IPO11: variants seen among roughly 807,000 people sequenced by gnomAD.
IPO11 encodes importin 11.
A neutral mutation model predicts 143.2 loss-of-function variants in IPO11; 66 were observed. The ratio of observed to expected loss-of-function variants is 0.46; its 90% CI spans 0.38 to 0.57. The LOEUF (loss-of-function observed/expected upper bound fraction) is 0.57. Among genes scored for constraint, IPO11 ranks in the 20% least tolerant of loss-of-function variants. IPO11 has a pLI of 0.00. For missense variants in IPO11, 1,026 were observed against 1,141.0 expected (o/e 0.90, Z 1.45); for synonymous variants, 385 against 377.8 (o/e 1.02, Z -0.22).
At chr5:62,421,322 G>A (rs1452191933) in intron 1 of IPO11, among the ~76,000 whole-genome samples, 1 of 152,178 alleles carries the variant, frequency 6.6e-6, no homozygotes, top group Non-Finnish European at 1.5e-5. Context: ...TTAACCTTGT[G>A]TAGGGTATCT....
At chr5:62,459,613 C>T (rs2112177607) in intron 5 of IPO11, among the ~76,000 whole-genome samples, 1 of 151,804 alleles carries the variant, frequency 6.6e-6, no homozygotes, top group South Asian at 2.1e-4. Context: ...TGCAGTGGTG[C>T]AATCTTGGTT....
At chr5:62,581,168 G>A in intron 27 of IPO11, 2 of 1,551,150 alleles carry the variant, frequency 1.3e-6, no homozygotes, top group East Asian at 4.9e-5. Context: ...CAGTCAGCAA[G>A]GTATAATGTA....
Position 62,572,092 on chromosome 5 carries a change from C to A in IPO11, c.2582+10835C>A, listed in dbSNP as rs114385208. 2.8e-3 allele frequency among the ~76,000 whole-genome samples: 430 copies of A among 152,332 alleles called. 1 individual carries two copies. The highest frequency in any genetic ancestry group is 0.01 in the African/African-American group (419 of 41,576). ...GTCCAGTCTATCTTACTCTTAATGT[C>A]TTCTCTGCCAGGCTATTGAGTACCT... On this transcript the variant is annotated intron_variant, in intron 27 of 29. Coordinates refer to ENST00000325324, the MANE Select transcript of IPO11 (RefSeq NM_016338.5).
At chr5:62,580,673 C>A (rs1323777970) in intron 27 of IPO11, 5 of 1,551,448 alleles carry the variant, frequency 3.2e-6, no homozygotes, top group Non-Finnish European at 4.4e-6. Context: ...ATAAATGTAT[C>A]CAGAGCTTGG....
At position 62,457,604 on chromosome 5, in the gene IPO11, A is replaced by G. The variant is rs80268405; in HGVS notation, c.516+5671A>G. On this transcript the variant is annotated intron_variant, in intron 5 of 29. Transcript: ENST00000325324. ...CAGAAGGTCATCGTGATGAATTACT[A>G]TATTTTCTACACAAAGGAGAACTGC... is the stretch of plus-strand genomic sequence containing the variant. 7.3e-3 allele frequency among the ~76,000 whole-genome samples: 1,109 copies of G among 152,312 alleles called. 14 individuals carry two copies. The highest frequency in any genetic ancestry group is 0.025 in the African/African-American group (1,040 of 41,572).
intron 24 of IPO11, among the ~76,000 whole-genome samples, chr5:62,542,759 A>G (rs1743008000): frequency 6.6e-6 from 1 of 152,174 alleles, no homozygotes; most frequent in Non-Finnish European, 1.5e-5. Flanking sequence ...AAAATACTCT[A>G]AATTGTTAAC....
At chr5:62,461,754 G>C (rs1051859524) in intron 5 of IPO11, among the ~76,000 whole-genome samples, 1 of 152,040 alleles carries the variant, frequency 6.6e-6, no homozygotes, top group Non-Finnish European at 1.5e-5. Context: ...TGTGCTTTTC[G>C]TATCTGTAGT....
intron 19 of IPO11, among the ~76,000 whole-genome samples, chr5:62,514,268 C>T (rs1179924129): frequency 5.9e-5 from 9 of 152,058 alleles, no homozygotes; most frequent in African/African-American, 2.2e-4. Context: ...CATAGCGAGC[C>T]GAGATCATGC....
In IPO11 at chr5:62,530,264, C is replaced by T. The variant is rs562275162; in HGVS notation, c.2013-445C>T. ...TCTTTCTATCAACAGGGGATTGGTT[C>T]CAGGGCTACCACATATACCAAAATT... On this transcript the variant is annotated intron_variant, in intron 21 of 29. Coordinates refer to ENST00000325324, the MANE Select transcript of IPO11 (RefSeq NM_016338.5). 1.8e-4 allele frequency among the ~76,000 whole-genome samples: 27 copies of T among 152,226 alleles called. No individual in the cohort carries two copies. In the South Asian group the frequency reaches 4.4e-3, roughly 25 times the overall value.
chr5:62,416,021 G>A (rs901994644), intron 1 of IPO11, among the ~76,000 whole-genome samples: 3 of 151,988 alleles, frequency 2.0e-5, no homozygotes, highest in African/African-American at 7.3e-5. Context: ...TCACAGTTCT[G>A]GAGAGTGGAA....
chr5:62,593,702 T>G (rs753564273), intron 28 of IPO11, among the ~76,000 whole-genome samples: 3 of 152,222 alleles, frequency 2.0e-5, no homozygotes, highest in Non-Finnish European at 2.9e-5. Context: ...AGCTGGAACA[T>G]ATCTGACCAC....
At position 62,581,353 on chromosome 5, in the gene IPO11, A is replaced by G. The variant is rs116529248; in HGVS notation, c.2583-10224A>G. On this transcript the variant is annotated intron_variant, in intron 27 of 29. Transcript: ENST00000325324. ...AAGAAACTTCAGTGCCATGGACATG[A>G]TTTAAACTGAAACCTCCTTATATAA... The G allele has an allele frequency of 2.5e-3, 3,445 of 1,377,132 alleles. 61 individuals carry two copies. In the African/African-American group the frequency reaches 0.045, roughly 18 times the overall value. The allele number at this position is 1,377,132 out of a possible 1,614,324, so 85.3% of individuals were successfully genotyped here.
At chr5:62,413,633 A>G (rs926884577) in intron 1 of IPO11, among the ~76,000 whole-genome samples, 3 of 152,230 alleles carry the variant, frequency 2.0e-5, no homozygotes, top group Non-Finnish European at 2.9e-5. Context: ...TAAATTACCT[A>G]CTAGTGCCAA....
chr5:62,477,707 A>C (rs1171761637), intron 9 of IPO11, among the ~76,000 whole-genome samples: 1 of 152,240 alleles, frequency 6.6e-6, no homozygotes, highest in South Asian at 2.1e-4. Flanking sequence ...CCTACTCACT[A>C]TATCAGTTAC....
intron 26 of IPO11, among the ~76,000 whole-genome samples, chr5:62,556,980 C>A (rs1743596160): frequency 6.6e-6 from 1 of 152,020 alleles, no homozygotes; most frequent in Admixed American, 6.6e-5. Flanking sequence ...GCTCAGTATT[C>A]TTGTTAGATG....
chr5:62,523,715 A>G (rs1208550361), intron 20 of IPO11, among the ~76,000 whole-genome samples: 1 of 152,206 alleles, frequency 6.6e-6, no homozygotes, highest in East Asian at 1.9e-4. Flanking sequence ...TGTTTTAGGA[A>G]GACAATGAGT....
chr5:62,414,814 A>G (rs1743230435), intron 1 of IPO11, among the ~76,000 whole-genome samples: 1 of 152,234 alleles, frequency 6.6e-6, no homozygotes, highest in South Asian at 2.1e-4. Flanking sequence ...GTTGAAGAAC[A>G]CTGAGGTAAT....
chr5:62,506,299 A>T lies in IPO11; in HGVS notation c.1724A>T (p.Asp575Val). 3.7e-6 allele frequency: 6 copies of T among 1,612,106 alleles called. No homozygotes were observed. Among genetic ancestry groups the T allele is most frequent in the Non-Finnish European group, 5.1e-6 (6 of 1,178,934 alleles). The change falls in exon 19 of 30, where the codon GAC (aspartate) becomes GTC (valine). Residue 575 changes from aspartate to valine, a missense_variant. By Grantham distance (152) the Asp-to-Val change is radical. Around this residue, in one of 5 missense-constraint regions of IPO11, gnomAD observed 237 missense variants for 288.0 expected, o/e 0.82. Transcript: ENST00000325324. Reference sequence around the variant, plus strand: ...TTACTGCAGCAAGTTACAGAATGTGACACAAAGATGCATGTTTTGCATGTC... The same window carrying T: ...TTACTGCAGCAAGTTACAGAATGTGTCACAAAGATGCATGTTTTGCATGTC... ...FQLLQQVTEC[D>V]TKMHVLHVLS... is the part of the protein sequence containing the mutation.
At chr5:62,505,082 C>T (rs1319236669) in intron 18 of IPO11, among the ~76,000 whole-genome samples, 184 bp downstream of exon 18, 1 of 151,950 alleles carries the variant, frequency 6.6e-6, no homozygotes, top group Non-Finnish European at 1.5e-5. Flanking sequence ...ACTTTTATTG[C>T]TAACAGTTCA....
Sources: allele counts gnomAD v4.1 joint callset (sites outside exome capture counted in the v4.1 genomes callset), GRCh38; gene constraint gnomAD v4.1.1; regional missense constraint gnomAD v4.1.1; transcripts MANE v1.5; gene names NCBI Gene and HGNC (gene_info 2026-07-23, HGNC 2026-07-21).